Variants in ARL15 observed in about 807,000 individuals in gnomAD.
The protein encoded by ARL15 is ARF like GTPase 15.
A neutral mutation model predicts 25.2 loss-of-function variants in ARL15; 19 were observed. That is an observed-to-expected ratio of 0.75 (90% CI 0.53 to 1.10). The LOEUF is 1.10. ARL15 is among the 50% of genes least tolerant of loss of function. ARL15 has a pLI of 0.00. For missense variants in ARL15, 220 were observed against 246.0 expected (o/e 0.89, Z 0.71); for synonymous variants, 94 against 86.8 (o/e 1.08, Z -0.46).
At chr5:54,260,597 T>G (rs761383364) in intron 1 of ARL15, among the ~76,000 whole-genome samples, 17 of 152,106 alleles carry the variant, frequency 1.1e-4, no homozygotes, top group Non-Finnish European at 1.8e-4. Context: ...GATTTACCAC[T>G]TAACAAAGAA....
chr5:54,048,648 C>T (rs539749284), intron 4 of ARL15, among the ~76,000 whole-genome samples: 3 of 151,884 alleles, frequency 2.0e-5, no homozygotes, highest in African/African-American at 7.2e-5. Context: ...AGTGATCTGC[C>T]CACCTCAACC....
intron 4 of ARL15, among the ~76,000 whole-genome samples, chr5:54,029,333 TACCACC>T (rs34152775): frequency 1.7e-3 from 158 of 94,668 alleles, no homozygotes; most frequent in Middle Eastern, 0.016. Context: ...CCACCACCAC[TACCACC>T]ACCACCACCA....
intron 4 of ARL15, among the ~76,000 whole-genome samples, chr5:53,924,663 A>C: frequency 6.6e-6 from 1 of 152,286 alleles, no homozygotes; most frequent in East Asian, 1.9e-4. Context: ...TCTCACTTAA[A>C]GGCTGCTCAC....
chr5:53,979,100 A>G (rs979472759), intron 4 of ARL15, among the ~76,000 whole-genome samples: 1 of 152,168 alleles, frequency 6.6e-6, no homozygotes, highest in African/African-American at 2.4e-5. Flanking sequence ...TTCTGAGTCT[A>G]TGCTTTCAGA....
chr5:53,975,041 G>C (rs1441973175), intron 4 of ARL15, among the ~76,000 whole-genome samples: 3 of 152,162 alleles, frequency 2.0e-5, no homozygotes, highest in Non-Finnish European at 4.4e-5. Flanking sequence ...TATATGAGCA[G>C]GACTGACAGC....
At chr5:53,937,398 T>C (rs1442379881) in intron 4 of ARL15, among the ~76,000 whole-genome samples, 2 of 152,204 alleles carry the variant, frequency 1.3e-5, no homozygotes, top group Non-Finnish European at 1.5e-5. Flanking sequence ...ATAACTCTTA[T>C]GTCAGTAGTT....
Position 54,206,092 on chromosome 5 carries a change from G to A in ARL15, c.49-34164C>T, listed in dbSNP as rs539754973. On this transcript the variant is annotated intron_variant, in intron 1 of 4. Transcript: ENST00000504924. ...GAAAAACAAAACAAACCAAACAGTG[G>A]CAGTAATAAATAGATTATATTGATC... is the stretch of plus-strand genomic sequence containing the variant. Among the ~76,000 whole-genome samples, 3 of 152,196 alleles carry A rather than the reference G, an allele frequency of 2.0e-5. 1 individual carries two copies. In the South Asian group the frequency reaches 6.2e-4, roughly 32 times the overall value.
chr5:54,285,868 C>A (rs759929740), intron 1 of ARL15, among the ~76,000 whole-genome samples: 4 of 152,096 alleles, frequency 2.6e-5, no homozygotes, highest in African/African-American at 7.2e-5. Context: ...CAGAGAGTGA[C>A]GACCCGTTCC....
At chr5:54,114,577 T>C (rs1396252979) in intron 3 of ARL15, among the ~76,000 whole-genome samples, 1 of 151,958 alleles carries the variant, frequency 6.6e-6, no homozygotes, top group East Asian at 1.9e-4. Flanking sequence ...TAATTAAGCT[T>C]TACAAATTTG....
intron 4 of ARL15, among the ~76,000 whole-genome samples, chr5:54,087,484 C>T (rs1645273): frequency 0.7 from 106,737 of 152,018 alleles, 38,463 homozygotes; most frequent in East Asian, 0.88. Flanking sequence ...AAAAGCATGT[C>T]ATGGTTAGAT....
rs1744487498 is a variant in ARL15, at chr5:53,885,338, G to T, written c.*1223C>A. ...TTTCCTGATTTAGAAAAGATCAAAG[G>T]TGCTAAACCTTAGTAAAACTGTACA... On this transcript the variant is annotated 3_prime_UTR_variant, in exon 5 of 5. Transcript: ENST00000504924. 6.6e-6 allele frequency: 1 copy of T among 152,340 alleles called. No homozygotes were observed. Among genetic ancestry groups the T allele is most frequent in the South Asian group, 2.1e-4 (1 of 4,812 alleles). 9.4% of individuals were successfully genotyped at this position (152,340 alleles called of 1,614,324 possible). A position where few individuals can be genotyped will look rare whatever the true frequency, so the allele number is the denominator to read the frequency against.
At chr5:54,229,125 C>T (rs1287754779) in intron 1 of ARL15, among the ~76,000 whole-genome samples, 6 of 152,108 alleles carry the variant, frequency 3.9e-5, no homozygotes, top group Non-Finnish European at 8.8e-5. Context: ...ATTCTCTGAG[C>T]TATTGGCAAG....
chr5:54,141,008 C>T (rs943268054), intron 3 of ARL15, among the ~76,000 whole-genome samples: 1 of 152,160 alleles, frequency 6.6e-6, no homozygotes, highest in Non-Finnish European at 1.5e-5. Flanking sequence ...GAATCACCAA[C>T]ACGAATAATT....
chr5:54,151,178 T>G (rs1177701084), intron 3 of ARL15, among the ~76,000 whole-genome samples: 3 of 152,018 alleles, frequency 2.0e-5, no homozygotes, highest in Non-Finnish European at 2.9e-5. Flanking sequence ...AGAAGAAAAT[T>G]TAGAGCTCCA....
chr5:54,016,229 A>G (rs530622700), intron 4 of ARL15, among the ~76,000 whole-genome samples: 29 of 152,190 alleles, frequency 1.9e-4, no homozygotes, highest in Non-Finnish European at 3.4e-4. Context: ...TATAGTGTAT[A>G]ATATATAATT....
chr5:54,233,399 G>A (rs1418095656), intron 1 of ARL15, among the ~76,000 whole-genome samples: 3 of 152,312 alleles, frequency 2.0e-5, no homozygotes, highest in African/African-American at 7.2e-5. Flanking sequence ...ACAACTGTTA[G>A]TATTTGTTGC....
chr5:54,134,874 C>A (rs1018333731), intron 3 of ARL15, among the ~76,000 whole-genome samples: 1 of 152,046 alleles, frequency 6.6e-6, no homozygotes, highest in African/African-American at 2.4e-5. Flanking sequence ...TGAGCCACTG[C>A]GCCCAGCTGG....
At chr5:53,962,425 TAG>T (rs1747400904) in intron 4 of ARL15, among the ~76,000 whole-genome samples, 1 of 152,172 alleles carries the variant, frequency 6.6e-6, no homozygotes, top group Admixed American at 6.5e-5. Flanking sequence ...GTCATTGCTA[TAG>T]AATCTTCCAT....
intron 1 of ARL15, among the ~76,000 whole-genome samples, chr5:54,256,633 G>GAA (rs1757377697): frequency 3.6e-4 from 52 of 145,070 alleles, no homozygotes; most frequent in African/African-American, 1.2e-3. Flanking sequence ...AAAAGAAAAA[G>GAA]AAAGAAAGAA....
Sources: allele counts gnomAD v4.1 joint callset (sites outside exome capture counted in the v4.1 genomes callset), GRCh38; gene constraint gnomAD v4.1.1; transcripts MANE v1.5; gene names NCBI Gene and HGNC (gene_info 2026-07-23, HGNC 2026-07-21).